The following UNC5C variants were observed in gnomAD, a reference collection of about 807,000 sequenced individuals.
UNC5C encodes the protein unc-5 netrin receptor C, also known as netrin receptor UNC5C.
UNC5C carries 47 observed loss-of-function variants against 99.8 expected under a neutral mutation model. That is an observed-to-expected ratio of 0.47 (90% CI 0.37 to 0.60). UNC5C has a LOEUF of 0.60. Ranked by LOEUF, UNC5C falls within the 20% of genes least tolerant of loss-of-function variation. The pLI, the probability that UNC5C is intolerant of heterozygous loss-of-function variation, is 0.00. For synonymous variants in UNC5C, 487 were observed against 452.2 expected (o/e 1.08, Z -0.98); for missense variants, 1,062 against 1,165.9 (o/e 0.91, Z 1.30).
intron 1 of UNC5C, among the ~76,000 whole-genome samples, chr4:95,472,944 C>T (rs962340190): frequency 4.0e-5 from 6 of 151,830 alleles, no homozygotes; most frequent in Admixed American, 3.9e-4. Flanking sequence ...ACAAAGCTGT[C>T]GTTTATTTGT....
At chr4:95,246,261 T>G (rs1739498375) in intron 5 of UNC5C, among the ~76,000 whole-genome samples, 2 of 152,268 alleles carry the variant, frequency 1.3e-5, no homozygotes, top group South Asian at 4.1e-4. Flanking sequence ...AGAAGGCTAT[T>G]TAATAATTCA....
intron 1 of UNC5C, among the ~76,000 whole-genome samples, chr4:95,502,703 T>G (rs1473390498): frequency 6.6e-6 from 1 of 152,324 alleles, no homozygotes; most frequent in South Asian, 2.1e-4. Flanking sequence ...AGTTACCATT[T>G]TCATTATTAC....
chr4:95,285,806 GT>G (rs11302372), intron 3 of UNC5C, among the ~76,000 whole-genome samples: 100,078 of 152,026 alleles, frequency 0.66, 33,921 homozygotes, highest in African/African-American at 0.83. Context: ...GTTTCTGTGT[GT>G]AAGGATGCGG....
chr4:95,164,637 C>T lies in UNC5C; in HGVS notation c.*4597G>A, dbSNP rs907105156. 4.6e-5 allele frequency: 7 copies of T among 152,184 alleles called. No homozygotes were observed. The highest frequency in any genetic ancestry group is 8.8e-5 in the Non-Finnish European group (6 of 68,026). The allele number at this position is 152,184 out of a possible 1,614,324, so 9.4% of individuals were successfully genotyped here. On this transcript the variant is annotated 3_prime_UTR_variant, in exon 16 of 16. Coordinates refer to ENST00000453304, the MANE Select transcript of UNC5C (RefSeq NM_003728.4). ...CTTATTAGATCTATAAAATCTAATG[C>T]TTATCAACCATTATCTTGAGCAATG... is the stretch of plus-strand genomic sequence containing the variant.
intron 1 of UNC5C, among the ~76,000 whole-genome samples, chr4:95,433,137 T>C (rs1446061061): frequency 6.6e-6 from 1 of 152,136 alleles, no homozygotes; most frequent in African/African-American, 2.4e-5. Context: ...CAGTTGAGGA[T>C]TGATGCATTC....
intron 1 of UNC5C, among the ~76,000 whole-genome samples, chr4:95,402,671 T>C (rs1249724343): frequency 6.6e-6 from 1 of 152,224 alleles, no homozygotes; most frequent in Non-Finnish European, 1.5e-5. Context: ...TATATAAATA[T>C]GCTATAACAC....
chr4:95,169,069 G>A lies in UNC5C; in HGVS notation c.*165C>T. 4 of 748,628 alleles carry A rather than the reference G, an allele frequency of 5.3e-6. No homozygotes were observed. Among genetic ancestry groups the A allele is most frequent in the African/African-American group, 1.7e-5 (1 of 57,328 alleles). The allele number at this position is 748,628 out of a possible 1,614,324, so 46.4% of individuals were successfully genotyped here. A position where few individuals can be genotyped will look rare whatever the true frequency, so the allele number is the denominator to read the frequency against. On this transcript the variant is annotated 3_prime_UTR_variant, in exon 16 of 16. Transcript: ENST00000453304. ...CCGTGATGATGTCCGAGTAAAGTGG[G>A]CATGTACATGGGCAGTTGTATCTGT...
At chr4:95,369,161 G>C (rs1458166981) in intron 1 of UNC5C, among the ~76,000 whole-genome samples, 1 of 150,656 alleles carries the variant, frequency 6.6e-6, no homozygotes, top group East Asian at 2.0e-4. Context: ...GACCAGCCCA[G>C]TGTGTATTTT....
intron 2 of UNC5C, among the ~76,000 whole-genome samples, chr4:95,330,570 T>C (rs1425999864): frequency 6.6e-6 from 1 of 152,144 alleles, no homozygotes; most frequent in African/African-American, 2.4e-5. Context: ...AGTTGGTTGG[T>C]GATACAAATT....
At chr4:95,546,148 T>C (rs1228608428) in intron 1 of UNC5C, among the ~76,000 whole-genome samples, 1 of 152,236 alleles carries the variant, frequency 6.6e-6, no homozygotes, top group African/African-American at 2.4e-5. Context: ...AAAGTAACTT[T>C]CCCATGTTAA....
chr4:95,278,408 T>A (rs777818571), intron 3 of UNC5C, 46 bp from the exon 4 acceptor site: 2 of 1,519,832 alleles, frequency 1.3e-6, no homozygotes, highest in Non-Finnish European at 1.8e-6. Flanking sequence ...TAAACAACAT[T>A]TTCTCATTTA....
chr4:95,472,657 G>A (rs1748011189), intron 1 of UNC5C, among the ~76,000 whole-genome samples: 1 of 152,054 alleles, frequency 6.6e-6, no homozygotes, highest in Admixed American at 6.6e-5. Flanking sequence ...AATCATTTGT[G>A]TGGGTTAATG....
chr4:95,345,631 A>G (rs1223751543), intron 1 of UNC5C, among the ~76,000 whole-genome samples: 1 of 152,054 alleles, frequency 6.6e-6, no homozygotes, highest in African/African-American at 2.4e-5. Context: ...TAAAAAATTA[A>G]AAAATTGAAA....
At chr4:95,176,508 G>A (rs1279533282) in intron 14 of UNC5C, among the ~76,000 whole-genome samples, 1 of 152,128 alleles carries the variant, frequency 6.6e-6, no homozygotes, top group African/African-American at 2.4e-5. Context: ...GGCCGTGTGA[G>A]GTGTCAGTCT....
At chr4:95,205,346 G>T (rs1737837807) in intron 11 of UNC5C, among the ~76,000 whole-genome samples, 1 of 152,156 alleles carries the variant, frequency 6.6e-6, no homozygotes, top group Non-Finnish European at 1.5e-5. Context: ...CAGAATGAAA[G>T]TTAGATCTGG....
chr4:95,213,430 T>A (rs978484789), intron 10 of UNC5C, among the ~76,000 whole-genome samples: 1 of 152,094 alleles, frequency 6.6e-6, no homozygotes, highest in Admixed American at 6.5e-5. Context: ...GAGGTAGAAA[T>A]CCTGAGCACA....
At chr4:95,264,446 G>A (rs1264132656) in intron 4 of UNC5C, among the ~76,000 whole-genome samples, 2 of 152,074 alleles carry the variant, frequency 1.3e-5, no homozygotes, top group African/African-American at 4.8e-5. Context: ...TGAGCAGATG[G>A]CATATGTCTG....
chr4:95,308,300 C>T (rs1742132725), intron 2 of UNC5C, among the ~76,000 whole-genome samples: 1 of 152,018 alleles, frequency 6.6e-6, no homozygotes, highest in African/African-American at 2.4e-5. Context: ...TGATTCTATA[C>T]ATGAATAATA....
intron 12 of UNC5C, among the ~76,000 whole-genome samples, chr4:95,190,732 C>G (rs908184810): frequency 6.6e-6 from 1 of 152,156 alleles, no homozygotes; most frequent in African/African-American, 2.4e-5. Context: ...CGCGAACCAT[C>G]AGTCACCAGA....
Sources: allele counts gnomAD v4.1 joint callset (sites outside exome capture counted in the v4.1 genomes callset), GRCh38; gene constraint gnomAD v4.1.1; transcripts MANE v1.5; gene names NCBI Gene and HGNC (gene_info 2026-07-23, HGNC 2026-07-21).